IL1RAPL1: variants seen among roughly 807,000 people sequenced by gnomAD.
IL1RAPL1 encodes the protein interleukin-1 receptor accessory protein-like 1.
In IL1RAPL1, 3 loss-of-function variants were observed where a neutral mutation model predicts 48.4. That is an observed-to-expected ratio of 0.06 (90% CI 0.03 to 0.16). IL1RAPL1 has a LOEUF of 0.16. Among genes scored for constraint, IL1RAPL1 ranks in the 10% least tolerant of loss-of-function variants. The pLI is 1.00. For synonymous variants in IL1RAPL1, 185 were observed against 187.7 expected, an observed-to-expected ratio of 0.99 and a Z score of 0.12; for missense variants, 349 against 530.6, an observed-to-expected ratio of 0.66 and a Z score of 3.36.
At chrX:29,466,581 A>G (rs1217262626) in intron 5 of IL1RAPL1, among the ~76,000 whole-genome samples, 1 of 106,962 alleles carries the variant, frequency 9.3e-6, no homozygotes, top group African/African-American at 3.7e-5. Context: ...AAATATTTTC[A>G]TGTAATTATA....
At chrX:29,064,876 C>A (rs941516300) in intron 2 of IL1RAPL1, among the ~76,000 whole-genome samples, 2 of 112,055 alleles carry the variant, frequency 1.8e-5, no homozygotes, top group African/African-American at 6.5e-5. Flanking sequence ...CCATTGCGCC[C>A]GGCCGAGAAC....
chrX:29,169,339 A>T (rs948092473), intron 2 of IL1RAPL1, among the ~76,000 whole-genome samples: 2 of 110,519 alleles, frequency 1.8e-5, no homozygotes, highest in African/African-American at 6.5e-5. Flanking sequence ...CTGCCTCACT[A>T]TAGAAGTTAT....
At chrX:28,654,997 G>A (rs746015071) in intron 1 of IL1RAPL1, among the ~76,000 whole-genome samples, 1 of 111,258 alleles carries the variant, frequency 9.0e-6, no homozygotes, top group Non-Finnish European at 1.9e-5. Flanking sequence ...CCTGGGAAAG[G>A]GGTGCCGTTG....
At chrX:28,853,491 G>A (rs1211054841) in intron 2 of IL1RAPL1, among the ~76,000 whole-genome samples, 21 of 104,230 alleles carry the variant, frequency 2.0e-4, no homozygotes, top group South Asian at 1.9e-3. Flanking sequence ...GTGTGTGCGC[G>A]CGCACACACA....
intron 5 of IL1RAPL1, among the ~76,000 whole-genome samples, chrX:29,596,995 A>G (rs988308177): frequency 3.6e-5 from 4 of 110,832 alleles, no homozygotes; most frequent in South Asian, 3.7e-4. Flanking sequence ...TGATCATGTG[A>G]TTTTTGTTTT....
At chrX:29,449,154 A>C (rs1443684536) in intron 5 of IL1RAPL1, among the ~76,000 whole-genome samples, 1 of 111,854 alleles carries the variant, frequency 8.9e-6, no homozygotes, top group Non-Finnish European at 1.9e-5. Flanking sequence ...CCATTTATAC[A>C]TAAGGAAACC....
At chrX:29,041,738 A>C (rs999024871) in intron 2 of IL1RAPL1, among the ~76,000 whole-genome samples, 1 of 112,129 alleles carries the variant, frequency 8.9e-6, no homozygotes, top group Non-Finnish European at 1.9e-5. Flanking sequence ...CTGAACACCT[A>C]CTTAGGTTCA....
intron 6 of IL1RAPL1, among the ~76,000 whole-genome samples, chrX:29,827,130 G>A (rs757372793): frequency 6.3e-5 from 7 of 111,907 alleles, no homozygotes; most frequent in African/African-American, 9.7e-5. Context: ...GTAGTTTTGC[G>A]GGTTGGTTGA....
At chrX:28,795,455 G>A (rs948810713) in intron 2 of IL1RAPL1, among the ~76,000 whole-genome samples, 1 of 111,214 alleles carries the variant, frequency 9.0e-6, no homozygotes, top group Non-Finnish European at 1.9e-5. Flanking sequence ...AGTTGGCACA[G>A]ATGAATACCA....
intron 6 of IL1RAPL1, among the ~76,000 whole-genome samples, chrX:29,912,277 A>G (rs1446431553): frequency 1.8e-5 from 2 of 111,801 alleles, no homozygotes; most frequent in Non-Finnish European, 3.8e-5. Flanking sequence ...ACATGTAGAC[A>G]TGTAGCCTTT....
intron 3 of IL1RAPL1, among the ~76,000 whole-genome samples, chrX:29,393,723 TG>T (rs1196511664): frequency 1.3e-5 from 1 of 79,551 alleles, no homozygotes; most frequent in Non-Finnish European, 3.0e-5. Flanking sequence ...TTTTTGTTTT[TG>T]TTTTTTTTTT....
chrX:28,977,945 C>T (rs1044544944), intron 2 of IL1RAPL1, among the ~76,000 whole-genome samples: 1 of 111,820 alleles, frequency 8.9e-6, no homozygotes, highest in Non-Finnish European at 1.9e-5. Context: ...CCTGGGGCTA[C>T]AGAGTGAGAC....
chrX:28,992,878 T>A (rs913167990), intron 2 of IL1RAPL1, among the ~76,000 whole-genome samples: 1 of 111,698 alleles, frequency 9.0e-6, no homozygotes, highest in Admixed American at 9.5e-5. Flanking sequence ...TGCTAACATG[T>A]GGGGAAGAAT....
chrX:29,150,905 GA>G (rs1474029470), intron 2 of IL1RAPL1, among the ~76,000 whole-genome samples: 1 of 97,095 alleles, frequency 1.0e-5, no homozygotes, highest in Non-Finnish European at 2.0e-5. Context: ...CTGGGTGACA[GA>G]GCAAGACTCC....
At chrX:29,228,802 T>C (rs1385306195) in intron 2 of IL1RAPL1, among the ~76,000 whole-genome samples, 1 of 112,238 alleles carries the variant, frequency 8.9e-6, no homozygotes, top group East Asian at 2.8e-4. Flanking sequence ...GCTGCCTGTG[T>C]TTTTGTGATG....
chrX:29,246,561 T>C (rs1219763243), intron 2 of IL1RAPL1, among the ~76,000 whole-genome samples: 1 of 111,639 alleles, frequency 9.0e-6, no homozygotes, highest in Non-Finnish European at 1.9e-5. Context: ...TACTTTCTTC[T>C]ATCTCCTGTT....
At chrX:29,234,528 C>T (rs1931256628) in intron 2 of IL1RAPL1, among the ~76,000 whole-genome samples, 1 of 111,972 alleles carries the variant, frequency 8.9e-6, no homozygotes, top group South Asian at 3.7e-4. Context: ...TAGAAGAACG[C>T]TAACATTTAT....
chrX:29,062,325 G>C (rs1156587569), intron 2 of IL1RAPL1, among the ~76,000 whole-genome samples: 1 of 112,370 alleles, frequency 8.9e-6, no homozygotes, highest in Non-Finnish European at 1.9e-5. Flanking sequence ...ATTGAAAAGT[G>C]TCATAATGAA....
intron 2 of IL1RAPL1, among the ~76,000 whole-genome samples, chrX:28,939,573 T>C (rs780922715): frequency 9.0e-5 from 10 of 110,605 alleles, no homozygotes; most frequent in Non-Finnish European, 1.7e-4. Flanking sequence ...AAAATAACGA[T>C]TGTTTACTAC....
Sources: gnomAD v4.1 joint callset for allele counts (sites outside exome capture counted in the v4.1 genomes callset) on GRCh38, gnomAD v4.1.1 for gene constraint, MANE v1.5 for transcripts, NCBI Gene and HGNC (gene_info 2026-07-23, HGNC 2026-07-21) for gene names.